IHO1: variants seen among roughly 807,000 people sequenced by gnomAD.
The protein encoded by IHO1 is interactor of HORMAD1 protein 1.
A neutral mutation model predicts 31.0 loss-of-function variants in IHO1; 13 were observed. That is an observed-to-expected ratio of 0.42 (90% CI 0.27 to 0.67). The LOEUF (loss-of-function observed/expected upper bound fraction) is 0.67, where lower values mean the gene tolerates loss of function less well. Among genes scored for constraint, IHO1 ranks in the 30% least tolerant of loss-of-function variants. The probability of loss-of-function intolerance (pLI) is 0.24; values close to 1 mark genes in which losing one functional copy is unlikely to be tolerated. For synonymous variants in IHO1, 221 were observed against 248.4 expected, an observed-to-expected ratio of 0.89 and a Z score of 1.04; for missense variants, 599 against 687.5, an observed-to-expected ratio of 0.87 and a Z score of 1.44.
At chr3:49,252,577 C>A (rs1422785767) in intron 6 of IHO1, among the ~76,000 whole-genome samples, 1 of 152,064 alleles carries the variant, frequency 6.6e-6, no homozygotes, top group Non-Finnish European at 1.5e-5. Flanking sequence ...TACCACCCCA[C>A]CCAGCTAATT....
At chr3:49,232,967 TG>T (rs1406717292) in intron 2 of IHO1, among the ~76,000 whole-genome samples, 2 of 152,162 alleles carry the variant, frequency 1.3e-5, no homozygotes, top group Admixed American at 1.3e-4. Context: ...CTCCTATAAT[TG>T]AGGCATACAG....
intron 2 of IHO1, among the ~76,000 whole-genome samples, chr3:49,233,205 A>T (rs1224623857): frequency 1.3e-5 from 2 of 152,196 alleles, no homozygotes; most frequent in East Asian, 3.8e-4. Context: ...GATGGTAGAA[A>T]TTGTAAGAAA....
In IHO1 at chr3:49,211,846, C is replaced by T. The variant is rs369587512; in HGVS notation, c.56+10C>T. 6.7e-7 allele frequency: 1 copy of T among 1,501,138 alleles called. No individual in the cohort carries two copies. Among genetic ancestry groups the T allele is most frequent in the East Asian group, 2.3e-5 (1 of 44,204 alleles). 93.0% of individuals were successfully genotyped at this position (1,501,138 alleles called of 1,614,324 possible). ...TTCCTTCAGGCTCTGGGTAAGTTTT[C>T]TGGTTATATTGTCTGATCCTTAAGA... On this transcript the variant is annotated intron_variant, in intron 2 of 7. Coordinates refer to ENST00000452691, the MANE Select transcript of IHO1 (RefSeq NM_001135197.2).
intron 1 of IHO1, among the ~76,000 whole-genome samples, chr3:49,201,282 C>T (rs1163383617): frequency 2.0e-5 from 3 of 151,500 alleles, no homozygotes; most frequent in Admixed American, 6.6e-5. Flanking sequence ...CATGAACCAC[C>T]GCACCCGGCC....
At chr3:49,215,056 T>TC (rs1429335268) in intron 2 of IHO1, among the ~76,000 whole-genome samples, 1 of 140,888 alleles carries the variant, frequency 7.1e-6, no homozygotes, top group Admixed American at 7.1e-5. Context: ...GCCTTCTCTC[T>TC]TTTTTTTTTT....
At chr3:49,255,843 C>T (rs953136867) in intron 7 of IHO1, among the ~76,000 whole-genome samples, 9 of 151,904 alleles carry the variant, frequency 5.9e-5, no homozygotes, top group South Asian at 4.1e-4. Flanking sequence ...TGAGTCACTG[C>T]GCCCGGCCGA....
intron 2 of IHO1, among the ~76,000 whole-genome samples, chr3:49,224,605 C>T (rs4955428): frequency 0.021 from 3,227 of 152,024 alleles, 271 homozygotes; most frequent in East Asian, 0.18. Flanking sequence ...GCTAACTGGG[C>T]GCTGGTCCCT....
rs2046026718 is a variant in IHO1 at position 49,199,564 on chromosome 3, GCAGC to G, written c.-21_-18del. The G allele has an allele frequency of 7.1e-6, 1 of 141,324 alleles. No homozygotes were observed. The highest frequency in any genetic ancestry group is 2.6e-4 in the South Asian group (1 of 3,854). The allele number at this position is 141,324 out of a possible 1,614,324, so 8.8% of individuals were successfully genotyped here. A position where few individuals can be genotyped will look rare whatever the true frequency, so the allele number is the denominator to read the frequency against. On this transcript the variant is annotated 5_prime_UTR_variant, in exon 1 of 8. Coordinates refer to ENST00000452691, the MANE Select transcript of IHO1 (RefSeq NM_001135197.2). ...GCAGCCCCAGGTCGGGCGCGTGCCA[GCAGC>G]CAGAGGTGGGGACAGGAGGGCTTTG...
At chr3:49,208,869 T>C (rs1453394733) in intron 1 of IHO1, among the ~76,000 whole-genome samples, 1 of 152,200 alleles carries the variant, frequency 6.6e-6, no homozygotes, top group African/African-American at 2.4e-5. Flanking sequence ...CAAGGAACAG[T>C]GTACTTTTTA....
intron 1 of IHO1, among the ~76,000 whole-genome samples, chr3:49,207,402 C>T (rs568103464): frequency 4.0e-5 from 6 of 151,818 alleles, no homozygotes; most frequent in African/African-American, 1.2e-4. Flanking sequence ...CATGCCACCA[C>T]GCCTAGCTAA....
intron 1 of IHO1, among the ~76,000 whole-genome samples, chr3:49,203,659 A>G (rs938915827): frequency 3.3e-5 from 5 of 152,074 alleles, no homozygotes; most frequent in Non-Finnish European, 7.4e-5. Flanking sequence ...GGTAAACAAT[A>G]TTTTTTGTAT....
chr3:49,236,969 T>C (rs1430359469), intron 3 of IHO1, among the ~76,000 whole-genome samples: 2 of 151,530 alleles, frequency 1.3e-5, no homozygotes, highest in South Asian at 2.1e-4. Context: ...GAGGATTGCT[T>C]GAGCCCAGGA....
At chr3:49,209,091 T>TAAAG (rs2046175963) in intron 1 of IHO1, among the ~76,000 whole-genome samples, 1 of 152,192 alleles carries the variant, frequency 6.6e-6, no homozygotes, top group Admixed American at 6.5e-5. Context: ...GCTGCACAAG[T>TAAAG]AAAGGCAGGA....
the IHO1 span, chr3:49,191,588 G>C: frequency 1.3e-6 from 1 of 795,510 alleles, no homozygotes; most frequent in East Asian, 2.5e-5. Context: ...GCCTCCAGGG[G>C]TGACCTCAAG....
upstream of IHO1, among the ~76,000 whole-genome samples, chr3:49,193,973 A>AG (rs2045981220): frequency 6.7e-6 from 1 of 150,196 alleles, no homozygotes; most frequent in Non-Finnish European, 1.5e-5. Flanking sequence ...AAAAAAAAAA[A>AG]AAGAAGTTGA....
chr3:49,222,862 T>C (rs1004444106), intron 2 of IHO1, among the ~76,000 whole-genome samples: 6 of 152,126 alleles, frequency 3.9e-5, no homozygotes, highest in African/African-American at 1.4e-4. Flanking sequence ...GTGTCCAAAA[T>C]TTAACTCAAT....
At chr3:49,240,520 G>A (rs1269808760) in intron 3 of IHO1, among the ~76,000 whole-genome samples, 2 of 152,040 alleles carry the variant, frequency 1.3e-5, no homozygotes, top group East Asian at 1.9e-4. Flanking sequence ...CACCACACCC[G>A]ACCAATTTTT....
At chr3:49,248,687 A>G (rs1312345815) in intron 6 of IHO1, among the ~76,000 whole-genome samples, 1 of 152,186 alleles carries the variant, frequency 6.6e-6, no homozygotes. Context: ...AGATTGCGCC[A>G]TAGCACTCCA....
chr3:49,240,467 G>A (rs2046617719), intron 3 of IHO1, among the ~76,000 whole-genome samples: 1 of 151,944 alleles, frequency 6.6e-6, no homozygotes, highest in African/African-American at 2.4e-5. Flanking sequence ...CAGGTGATCC[G>A]CCCGCCTCGG....
Sources: gnomAD v4.1 joint callset for allele counts (sites outside exome capture counted in the v4.1 genomes callset) on GRCh38, gnomAD v4.1.1 for gene constraint, MANE v1.5 for transcripts, NCBI Gene and HGNC (gene_info 2026-07-23, HGNC 2026-07-21) for gene names.